OSBPL10: variants seen among roughly 807,000 people sequenced by gnomAD.
OSBPL10 encodes oxysterol-binding protein-related protein 10.
OSBPL10 carries 49 observed loss-of-function variants against 81.7 expected under a neutral mutation model. The ratio of observed to expected loss-of-function variants is 0.60; its 90% CI spans 0.48 to 0.76. OSBPL10 has a LOEUF of 0.76. Among genes scored for constraint, OSBPL10 ranks in the 30% least tolerant of loss-of-function variants. The probability of loss-of-function intolerance (pLI) is 0.00; values close to 1 mark genes in which losing one functional copy is unlikely to be tolerated. For synonymous variants in OSBPL10, 419 were observed against 383.6 expected, an observed-to-expected ratio of 1.09 and a Z score of -1.08; for missense variants, 923 against 987.8, an observed-to-expected ratio of 0.93 and a Z score of 0.88.
intron 8 of OSBPL10, among the ~76,000 whole-genome samples, chr3:31,680,877 C>T (rs927948656): frequency 7.9e-5 from 12 of 152,174 alleles, no homozygotes; most frequent in South Asian, 2.1e-4. Flanking sequence ...ATCCATCTCC[C>T]CTTGTCAACA....
At chr3:31,949,384 T>C (rs1018859151) in intron 1 of OSBPL10, among the ~76,000 whole-genome samples, 4 of 152,082 alleles carry the variant, frequency 2.6e-5, no homozygotes, top group African/African-American at 4.8e-5. Context: ...GATACTGGGT[T>C]CCGGCTGGGC....
At chr3:31,830,963 T>A (rs542309370) in intron 3 of OSBPL10, among the ~76,000 whole-genome samples, 83 of 152,272 alleles carry the variant, frequency 5.5e-4, no homozygotes, top group African/African-American at 1.9e-3. Flanking sequence ...TCAGTAAATG[T>A]TGGGATAACT....
At chr3:31,971,243 C>T (rs1181618151) in intron 1 of OSBPL10, among the ~76,000 whole-genome samples, 5 of 147,846 alleles carry the variant, frequency 3.4e-5, no homozygotes, top group Non-Finnish European at 7.4e-5. Context: ...TGGGTTCAAG[C>T]GATTCTCCTG....
At chr3:31,753,217 A>C (rs1289608208) in intron 4 of OSBPL10, among the ~76,000 whole-genome samples, 1 of 147,346 alleles carries the variant, frequency 6.8e-6, no homozygotes, top group Non-Finnish European at 1.5e-5. Context: ...ACAGAGTTTC[A>C]ATCTTTATTG....
chr3:32,016,539 T>C (rs1699314328), intron 2 of OSBPL10, among the ~76,000 whole-genome samples: 1 of 152,138 alleles, frequency 6.6e-6, no homozygotes, highest in South Asian at 2.1e-4. Flanking sequence ...GGCACGTGTA[T>C]ACATATGTAA....
At chr3:31,708,714 C>T (rs1265718501) in intron 6 of OSBPL10, 2 of 984,508 alleles carry the variant, frequency 2.0e-6, no homozygotes, top group Non-Finnish European at 2.4e-6. Context: ...GATGAACCTA[C>T]TGTCCTTCCC....
chr3:31,900,248 G>A (rs1696193958), intron 1 of OSBPL10, among the ~76,000 whole-genome samples: 1 of 151,736 alleles, frequency 6.6e-6, no homozygotes, highest in South Asian at 2.1e-4. Context: ...TCAACATGTT[G>A]CCCAGGCTGG....
At chr3:31,806,071 G>A (rs1440518197) in intron 4 of OSBPL10, among the ~76,000 whole-genome samples, 1 of 152,128 alleles carries the variant, frequency 6.6e-6, no homozygotes, top group Non-Finnish European at 1.5e-5. Flanking sequence ...CTGATCAAGG[G>A]CAGGCCAGGA....
chr3:32,073,143 T>G (rs1466797547), intron 1 of OSBPL10, among the ~76,000 whole-genome samples: 2 of 152,072 alleles, frequency 1.3e-5, no homozygotes, highest in African/African-American at 4.8e-5. Context: ...CGCTACAGGG[T>G]GCAGTCCATT....
chr3:31,856,159 G>A (rs767110621), intron 3 of OSBPL10, among the ~76,000 whole-genome samples: 1 of 150,506 alleles, frequency 6.6e-6, no homozygotes, highest in African/African-American at 2.5e-5. Flanking sequence ...TGATCTTCCT[G>A]GGTAATGTTA....
chr3:31,880,645 T>C (rs912227063), intron 1 of OSBPL10, among the ~76,000 whole-genome samples: 2 of 152,210 alleles, frequency 1.3e-5, no homozygotes, highest in African/African-American at 2.4e-5. Flanking sequence ...TTCTACCTTC[T>C]CACTTCATCT....
intron 8 of OSBPL10, among the ~76,000 whole-genome samples, chr3:31,675,996 T>C (rs76760046): frequency 0.044 from 6,518 of 148,952 alleles, 381 homozygotes; most frequent in East Asian, 0.32. Context: ...CAATAGGCTA[T>C]ACCTGTGAGG....
At chr3:32,054,050 A>C (rs1484017764) in intron 1 of OSBPL10, among the ~76,000 whole-genome samples, 4 of 152,220 alleles carry the variant, frequency 2.6e-5, no homozygotes, top group African/African-American at 9.6e-5. Flanking sequence ...AGGGAAAGAC[A>C]AGAGACAGAT....
rs1316106002 is a variant in OSBPL10 at position 31,929,646 on chromosome 3, G to C, written c.282-49816C>G. On this transcript the variant is annotated intron_variant, in intron 1 of 11. Coordinates refer to ENST00000396556, the MANE Select transcript of OSBPL10 (RefSeq NM_017784.5). ...GCCTGTAGTCCCAGCTACTTGGGAGGCTGAGGCAGGAGAATGGCGTGAACC... is the reference window on the plus strand; with the variant it reads ...GCCTGTAGTCCCAGCTACTTGGGAGCCTGAGGCAGGAGAATGGCGTGAACC... Among the ~76,000 whole-genome samples, 3 of 151,798 alleles carry C rather than the reference G, an allele frequency of 2.0e-5. No individual in the cohort carries two copies. The East Asian group carries it at 5.8e-4, about 29-fold the overall frequency.
At chr3:31,914,749 G>T (rs1364371350) in intron 1 of OSBPL10, among the ~76,000 whole-genome samples, 3 of 152,108 alleles carry the variant, frequency 2.0e-5, no homozygotes, top group African/African-American at 7.2e-5. Flanking sequence ...AACTTAAAAT[G>T]ATTATAAAAT....
chr3:31,922,755 G>C (rs1575617073), intron 1 of OSBPL10, among the ~76,000 whole-genome samples: 1 of 152,140 alleles, frequency 6.6e-6, no homozygotes, highest in East Asian at 1.9e-4. Context: ...GATGGCTACA[G>C]TGATCTGTTC....
rs1356798957 is a variant in OSBPL10 at position 31,757,772 on chromosome 3, GAAGA to G, written c.730-9656_730-9653del. Among the ~76,000 whole-genome samples, 5 of 152,150 alleles carry G rather than the reference GAAGA, an allele frequency of 3.3e-5. No individual in the cohort carries two copies. The East Asian group carries it at 9.6e-4, about 29-fold the overall frequency. On this transcript the variant is annotated intron_variant, in intron 4 of 11. Coordinates refer to ENST00000396556, the MANE Select transcript of OSBPL10 (RefSeq NM_017784.5). ...TTTTGCTAAAGGAAATAGTGAAGTG[GAAGA>G]AAGATTTTCAGAATTGTGTAACAGA...
chr3:31,701,490 C>G (rs561425013), intron 7 of OSBPL10, among the ~76,000 whole-genome samples: 1 of 152,270 alleles, frequency 6.6e-6, no homozygotes, highest in Non-Finnish European at 1.5e-5. Flanking sequence ...AGGAGCTCAG[C>G]ACTGGGTTAG....
At chr3:32,072,974 G>A (rs1339288614) in intron 1 of OSBPL10, among the ~76,000 whole-genome samples, 3 of 152,040 alleles carry the variant, frequency 2.0e-5, no homozygotes, top group African/African-American at 4.8e-5. Context: ...GTATTCAGTG[G>A]AACCTTCATA....
Sources: gnomAD v4.1 joint callset for allele counts (sites outside exome capture counted in the v4.1 genomes callset) on GRCh38, gnomAD v4.1.1 for gene constraint, MANE v1.5 for transcripts, NCBI Gene and HGNC (gene_info 2026-07-23, HGNC 2026-07-21) for gene names.